Variants in RANBP2 observed in about 807,000 individuals in gnomAD.
The protein encoded by RANBP2 is RAN binding protein 2, also known as E3 SUMO-protein ligase RanBP2.
RANBP2 carries 57 observed loss-of-function variants against 303.6 expected under a neutral mutation model. The observed-to-expected ratio is 0.19, with a 90% CI of 0.15 to 0.23. The LOEUF is 0.23. Ranked by LOEUF, RANBP2 falls within the 10% of genes least tolerant of loss-of-function variation. The pLI is 1.00. For synonymous variants in RANBP2, 1,167 were observed against 1,301.5 expected (o/e 0.90, Z 2.23); for missense variants, 3,138 against 3,780.8 (o/e 0.83, Z 4.46).
the RANBP2 span, among the ~76,000 whole-genome samples, chr2:108,829,147 TTCA>T: frequency 6.6e-6 from 1 of 152,188 alleles, no homozygotes; most frequent in South Asian, 2.1e-4. Context: ...TAAACTGAAC[TTCA>T]TCAAAATTAA....
chr2:109,765,677 G>A, the RANBP2 span, among the ~76,000 whole-genome samples: 1 of 150,464 alleles, frequency 6.6e-6, no homozygotes, highest in South Asian at 2.1e-4. Context: ...ATAGAAACAT[G>A]GAGGGAATAA....
the RANBP2 span, among the ~76,000 whole-genome samples, chr2:109,479,732 C>A: frequency 2.1e-4 from 32 of 152,252 alleles, no homozygotes; most frequent in Admixed American, 2.0e-3. Context: ...AGGGAATGAA[C>A]CCCCTTGTGA....
the RANBP2 span, chr2:109,614,688 C>T: frequency 6.7e-7 from 1 of 1,487,540 alleles, no homozygotes; most frequent in East Asian, 2.9e-5. Flanking sequence ...GGCCACTGTG[C>T]GCGTCGATCC....
chr2:109,012,546 A>C, the RANBP2 span, among the ~76,000 whole-genome samples: 1 of 152,186 alleles, frequency 6.6e-6, no homozygotes, highest in Admixed American at 6.5e-5. Flanking sequence ...ACAGAATGAC[A>C]ATGAAGCCCA....
At chr2:109,188,986 G>C in the RANBP2 span, among the ~76,000 whole-genome samples, 1 of 151,672 alleles carries the variant, frequency 6.6e-6, no homozygotes, top group Non-Finnish European at 1.5e-5. Context: ...TTGTGAAATG[G>C]AAGCTGCTTC....
chr2:108,846,810 C>T, the RANBP2 span: 2 of 1,612,260 alleles, frequency 1.2e-6, no homozygotes, highest in Non-Finnish European at 1.7e-6. Context: ...TAAAGGAATT[C>T]AGGATAATTC....
chr2:109,321,591 A>G, the RANBP2 span, among the ~76,000 whole-genome samples: 109 of 152,374 alleles, frequency 7.2e-4, no homozygotes, highest in African/African-American at 2.6e-3. Flanking sequence ...TGAGACAATC[A>G]ATAGAGGATT....
At chr2:109,472,380 A>C in the RANBP2 span, among the ~76,000 whole-genome samples, 1 of 151,978 alleles carries the variant, frequency 6.6e-6, no homozygotes, top group Admixed American at 6.5e-5. Flanking sequence ...TCCTGGAAGC[A>C]ATCTTCCTTA....
the RANBP2 span, among the ~76,000 whole-genome samples, chr2:109,237,709 A>G: frequency 1.6e-4 from 25 of 152,268 alleles, no homozygotes; most frequent in Non-Finnish European, 2.4e-4. Context: ...AAGATTGGAC[A>G]CTCCTACTTT....
the RANBP2 span, among the ~76,000 whole-genome samples, chr2:109,471,177 C>T: frequency 6.7e-4 from 92 of 138,294 alleles, no homozygotes; most frequent in African/African-American, 2.3e-3. Context: ...CGTGCCATTG[C>T]ACTCCAGCCT....
At chr2:109,718,488 C>T in the RANBP2 span, among the ~76,000 whole-genome samples, 4 of 152,260 alleles carry the variant, frequency 2.6e-5, no homozygotes, top group Admixed American at 2.6e-4. Flanking sequence ...TATAGGATTA[C>T]ATTTATACAA....
the RANBP2 span, chr2:109,585,708 A>G: frequency 2.9e-5 from 44 of 1,542,448 alleles, no homozygotes; most frequent in East Asian, 9.0e-4. Context: ...GAGGAAGAGT[A>G]GGTGGCACGT....
At chr2:108,975,526 C>T in the RANBP2 span, among the ~76,000 whole-genome samples, 12 of 152,286 alleles carry the variant, frequency 7.9e-5, no homozygotes, top group South Asian at 6.2e-4. Context: ...AGATGGATGC[C>T]GGAGTGAGAA....
the RANBP2 span, chr2:108,794,575 C>T: frequency 3.0e-5 from 49 of 1,613,752 alleles, no homozygotes; most frequent in Admixed American, 5.0e-5. Context: ...ATCGAGACCT[C>T]GGACTGAGTG....
the RANBP2 span, among the ~76,000 whole-genome samples, chr2:109,473,994 A>G: frequency 3.3e-5 from 5 of 152,120 alleles, no homozygotes; most frequent in East Asian, 5.8e-4. Flanking sequence ...CTGGAGGCCA[A>G]TGAGGTTATG....
At chr2:109,458,853 T>C in the RANBP2 span, among the ~76,000 whole-genome samples, 1 of 152,210 alleles carries the variant, frequency 6.6e-6, no homozygotes. Context: ...ATTAACACAT[T>C]TGCCAAATGC....
At chr2:108,740,226 G>A (rs183474183) in intron 6 of RANBP2, among the ~76,000 whole-genome samples, 97 of 152,190 alleles carry the variant, frequency 6.4e-4, no homozygotes, top group East Asian at 6.4e-3. Flanking sequence ...TATAATCACT[G>A]ATCTTATATT....
chr2:109,144,756 C>A, the RANBP2 span, among the ~76,000 whole-genome samples: 2 of 152,242 alleles, frequency 1.3e-5, no homozygotes, highest in African/African-American at 2.4e-5. Context: ...GGGGCCACCT[C>A]ACACTGTCTG....
chr2:109,614,394 G>C, the RANBP2 span: 3 of 981,552 alleles, frequency 3.1e-6, no homozygotes, highest in Non-Finnish European at 3.9e-6. Flanking sequence ...CGCTGAGCCC[G>C]CCAGACTCCG....
Sources: gnomAD v4.1 joint callset for allele counts (sites outside exome capture counted in the v4.1 genomes callset) on GRCh38, gnomAD v4.1.1 for gene constraint, MANE v1.5 for transcripts, NCBI Gene and HGNC (gene_info 2026-07-23, HGNC 2026-07-21) for gene names.